THRAP3: variants seen among roughly 807,000 people sequenced by gnomAD.
THRAP3 encodes thyroid hormone receptor-associated protein 3.
A neutral mutation model predicts 101.0 loss-of-function variants in THRAP3; 16 were observed. The ratio of observed to expected loss-of-function variants is 0.16; its 90% CI spans 0.11 to 0.24. The LOEUF (loss-of-function observed/expected upper bound fraction) is 0.24, where lower values mean the gene tolerates loss of function less well. Ranked by LOEUF, THRAP3 falls within the 10% of genes least tolerant of loss-of-function variation. The pLI is 1.00. For missense variants in THRAP3, 989 were observed against 1,202.7 expected (o/e 0.82, Z 2.63); for synonymous variants, 407 against 422.6 (o/e 0.96, Z 0.45).
intron 2 of THRAP3, among the ~76,000 whole-genome samples, chr1:36,261,040 C>G (rs1645439433): frequency 6.6e-6 from 1 of 152,066 alleles, no homozygotes; most frequent in African/African-American, 2.4e-5. Flanking sequence ...AGTAATTTCT[C>G]CCTAAACTCT....
chr1:36,252,453 A>G (rs1645314730), intron 1 of THRAP3, among the ~76,000 whole-genome samples: 2 of 152,196 alleles, frequency 1.3e-5, no homozygotes, highest in Admixed American at 6.6e-5. Context: ...CATCTGCACT[A>G]AATGCATTTG....
chr1:36,241,987 T>C (rs1408489201), intron 1 of THRAP3: 3 of 172,880 alleles, frequency 1.7e-5, no homozygotes, highest in Non-Finnish European at 4.1e-5. Flanking sequence ...AGTAGAACTT[T>C]AATGTTGTAT....
chr1:36,281,156 C>T (rs145133942), intron 2 of THRAP3, among the ~76,000 whole-genome samples: 21 of 152,244 alleles, frequency 1.4e-4, no homozygotes, highest in African/African-American at 4.6e-4. Flanking sequence ...ATCAGCCCAC[C>T]TCAGCCTCCC....
chr1:36,230,109 C>G (rs2124344110), intron 1 of THRAP3, among the ~76,000 whole-genome samples: 1 of 151,972 alleles, frequency 6.6e-6, no homozygotes, highest in African/African-American at 2.4e-5. Flanking sequence ...TGCCCATCAC[C>G]ACACCTGGTT....
intron 2 of THRAP3, among the ~76,000 whole-genome samples, chr1:36,277,415 G>A (rs1453225638): frequency 6.6e-6 from 1 of 151,080 alleles, no homozygotes; most frequent in East Asian, 2.0e-4. Flanking sequence ...GGTCAGGCTG[G>A]TCTCGAACTC....
intron 2 of THRAP3, among the ~76,000 whole-genome samples, chr1:36,276,951 C>T (rs1260002735): frequency 6.6e-6 from 1 of 152,082 alleles, no homozygotes; most frequent in Non-Finnish European, 1.5e-5. Flanking sequence ...CTTGTATCCA[C>T]ACTTTTTTTA....
intron 1 of THRAP3, among the ~76,000 whole-genome samples, chr1:36,246,736 G>C (rs996532625): frequency 6.6e-6 from 1 of 151,998 alleles, no homozygotes; most frequent in Non-Finnish European, 1.5e-5. Context: ...CAGCTGCTCG[G>C]GAGGCTGAGG....
chr1:36,296,727 G>C lies in THRAP3; in HGVS notation c.2260G>C (p.Ala754Pro). The C allele has an allele frequency of 1.9e-6, 3 of 1,603,140 alleles. No individual in the cohort carries two copies. The highest frequency in any genetic ancestry group is 2.5e-6 in the Non-Finnish European group (3 of 1,177,436). The change falls in exon 9 of 12, where the codon GCT (alanine) becomes CCT (proline). Residue 754 changes from alanine to proline, a missense_variant. Transcript: ENST00000354618. The stretch of plus-strand genomic sequence containing the variant: ...CTCCAGTCACTCAAGGGAAAGGTCA[G>C]CTGAAAAAACAGAGAAAACTCATAA... Reference protein sequence around the residue: ...RDSSHSRERSAEKTEKTHKGS... With the variant: ...RDSSHSRERSPEKTEKTHKGS...
intron 2 of THRAP3, among the ~76,000 whole-genome samples, chr1:36,267,175 C>T (rs1289303175): frequency 3.9e-5 from 6 of 152,098 alleles, no homozygotes; most frequent in African/African-American, 7.2e-5. Context: ...TGAGCCACCG[C>T]GCCCTGCCTA....
chr1:36,289,128 A>T lies in THRAP3; in HGVS notation c.1109A>T (p.Glu370Val). The T allele has an allele frequency of 6.2e-7, 1 of 1,611,480 alleles. No individual in the cohort carries two copies. Among genetic ancestry groups the T allele is most frequent in the Non-Finnish European group, 8.5e-7 (1 of 1,179,498 alleles). The part of the protein sequence containing the change: ...KEQKQTNTDK[E>V]KIKEKGSFSD... Reference sequence around the variant, plus strand: ...CAGAAACAAACAAATACCGATAAAGAAAAAATAAAAGAGAAAGGGAGCTTC... The same window carrying T: ...CAGAAACAAACAAATACCGATAAAGTAAAAATAAAAGAGAAAGGGAGCTTC... Residue 370 changes from glutamate (E) to valine (V), a missense_variant, in exon 5 of 12, where the codon GAA becomes GTA. Glu to Val is a moderately radical substitution (Grantham distance 121). Transcript: ENST00000354618.
chr1:36,231,392 T>C (rs1322669375), intron 1 of THRAP3, among the ~76,000 whole-genome samples: 1 of 152,196 alleles, frequency 6.6e-6, no homozygotes, highest in Non-Finnish European at 1.5e-5. Context: ...TTTGTTCTGC[T>C]TGGTTTGCTT....
At chr1:36,301,105 C>T (rs778538654) in intron 10 of THRAP3, 21 bp downstream of exon 10, 5 of 1,610,016 alleles carry the variant, frequency 3.1e-6, no homozygotes, top group African/African-American at 1.3e-5. Context: ...CCCCTCTCCC[C>T]CTTTCTCTGA....
At chr1:36,303,396 A>C (rs1309759882) in intron 11 of THRAP3, among the ~76,000 whole-genome samples, 2 of 152,118 alleles carry the variant, frequency 1.3e-5, no homozygotes, top group Non-Finnish European at 2.9e-5. Context: ...AAAGTTCCTA[A>C]GCTTTAAGCA....
At position 36,296,578 on chromosome 1, in the gene THRAP3, G is replaced by T; in HGVS notation, c.2116-5G>T. Reference sequence around the variant, plus strand: ...AAACCTTAATTTTGGCTTATCTTTTGATAGGCTGAGGGAAAATACAAAGAT... The same window carrying T: ...AAACCTTAATTTTGGCTTATCTTTTTATAGGCTGAGGGAAAATACAAAGAT... On this transcript the variant is annotated splice_polypyrimidine_tract_variant and splice_region_variant and intron_variant, in intron 8 of 11. Transcript: ENST00000354618. The T allele has an allele frequency of 6.5e-7, 1 of 1,530,612 alleles. No individual in the cohort carries two copies. The highest frequency in any genetic ancestry group is 1.3e-5 in the South Asian group (1 of 77,444). 94.8% of individuals were successfully genotyped at this position (1,530,612 alleles called of 1,614,324 possible).
rs758532669 is a variant in THRAP3 at position 36,289,250 on chromosome 1, A to C, written c.1231A>C (p.Arg411=). 3 of 1,614,116 alleles carry C rather than the reference A, an allele frequency of 1.9e-6. No homozygotes were observed. Among genetic ancestry groups the C allele is most frequent in the Non-Finnish European group, 2.5e-6 (3 of 1,180,012 alleles). ...KPFRGSQSPK[R]YKLRDDFEKK... ...TTTTCGGGGCAGTCAGTCTCCCAAAAGGTATAAGCTCCGAGATGACTTTGA... is the reference window on the plus strand; with the variant it reads ...TTTTCGGGGCAGTCAGTCTCCCAAACGGTATAAGCTCCGAGATGACTTTGA... Residue 411 remains arginine (R), a synonymous_variant, in exon 5 of 12, where the codon AGG becomes CGG. Transcript: ENST00000354618.
intron 1 of THRAP3, among the ~76,000 whole-genome samples, chr1:36,240,282 C>G (rs932193343): frequency 2.6e-5 from 4 of 152,172 alleles, no homozygotes; most frequent in African/African-American, 9.7e-5. Context: ...GGGAAGCCAA[C>G]AGTGCAGCCC....
chr1:36,228,976 G>A (rs936229572), intron 1 of THRAP3, among the ~76,000 whole-genome samples: 6 of 152,058 alleles, frequency 3.9e-5, no homozygotes, highest in African/African-American at 1.4e-4. Context: ...CTCCAGCCTG[G>A]GCGACAGAGC....
chr1:36,210,970 G>A, the THRAP3 span, among the ~76,000 whole-genome samples: 1 of 150,648 alleles, frequency 6.6e-6, no homozygotes, highest in Non-Finnish European at 1.5e-5. Context: ...CTGGCACTCT[G>A]GGGGGCCGAG....
intron 6 of THRAP3, among the ~76,000 whole-genome samples, chr1:36,292,252 G>GTTTTTTTTTTTT (rs1557453511): frequency 1.7e-5 from 1 of 57,502 alleles, no homozygotes; most frequent in Non-Finnish European, 3.3e-5. Context: ...AACATAATGT[G>GTTTTTTTTTTTT]TTTCTTTGTT....
Sources: gnomAD v4.1 joint callset for allele counts (sites outside exome capture counted in the v4.1 genomes callset) on GRCh38, gnomAD v4.1.1 for gene constraint, MANE v1.5 for transcripts, NCBI Gene and HGNC (gene_info 2026-07-23, HGNC 2026-07-21) for gene names.